The following TPCN1 variants were observed in gnomAD, a reference collection of about 807,000 sequenced individuals.
TPCN1 encodes the protein two pore segment channel 1.
A neutral mutation model predicts 108.8 loss-of-function variants in TPCN1; 52 were observed. The observed-to-expected ratio is 0.48, with a 90% CI of 0.38 to 0.60. TPCN1 has a LOEUF of 0.60. TPCN1 is among the 20% of genes least tolerant of loss of function. The pLI is 0.00. For synonymous variants in TPCN1, 446 were observed against 433.7 expected, an observed-to-expected ratio of 1.03 and a Z score of -0.35; for missense variants, 806 against 1,072.8, an observed-to-expected ratio of 0.75 and a Z score of 3.47.
Position 113,260,481 on chromosome 12 carries a change from A to G in TPCN1, c.226A>G (p.Ile76Val), listed in dbSNP as rs1309465174. 2.5e-6 allele frequency: 4 copies of G among 1,572,712 alleles called. No homozygotes were observed. Among genetic ancestry groups the G allele is most frequent in the Admixed American group, 1.9e-5 (1 of 53,380 alleles). Residue 76 changes from isoleucine to valine, a missense_variant, in exon 3 of 28, where the codon ATC becomes GTC. By Grantham distance (29) the Ile-to-Val change is conservative (BLOSUM62 3). Transcript: ENST00000335509. The part of the protein sequence containing the change: ...NWEMNYQEAA[I>V]YLQEGENNDK... ...GGAGATGAATTACCAAGAGGCAGCA[A>G]TCTACCTCCAGGTGAGTATCTCCAG...
At chr12:113,293,924 G>A (rs527785921) in intron 27 of TPCN1, among the ~76,000 whole-genome samples, 24 of 152,218 alleles carry the variant, frequency 1.6e-4, no homozygotes, top group Non-Finnish European at 2.8e-4. Flanking sequence ...TGCAACCTCC[G>A]CCTCCTGGGT....
intron 13 of TPCN1, 50 bp downstream of exon 13, chr12:113,278,287 G>A (rs758253479): frequency 1.8e-5 from 28 of 1,551,906 alleles, no homozygotes; most frequent in South Asian, 1.2e-4. Flanking sequence ...AGGTCCCCAC[G>A]TGGGGCAGTG....
At chr12:113,278,158 AT>A in intron 12 of TPCN1, 30 bp from the exon 13 acceptor site, 1 of 1,603,024 alleles carries the variant, frequency 6.2e-7, no homozygotes, top group South Asian at 1.1e-5. Flanking sequence ...ATGTTCTGAT[AT>A]TTTGTCCCTT....
At chr12:113,244,397 G>A in intron 2 of TPCN1, 1 of 985,440 alleles carries the variant, frequency 1.0e-6, no homozygotes, top group East Asian at 1.1e-4. Flanking sequence ...CTTGGGTTTG[G>A]AGCCTTTACT....
At position 113,273,135 on chromosome 12, in the gene TPCN1, T is replaced by G; in HGVS notation, c.784-97T>G. 1 of 1,097,872 alleles carries G rather than the reference T, an allele frequency of 9.1e-7. No individual in the cohort carries two copies. The highest frequency in any genetic ancestry group is 1.4e-6 in the Non-Finnish European group (1 of 711,536). The allele number at this position is 1,097,872 out of a possible 1,614,324, so 68.0% of individuals were successfully genotyped here. ...GATTCCTTGAGAGATGCAAGAGCGG[T>G]CAAGGCAGGGCATGCCAGGTGGCCC... On this transcript the variant is annotated intron_variant, in intron 8 of 27. Transcript: ENST00000335509. This position sits in a 1 kb window ranked among gnomAD's most constrained non-coding sequence, Gnocchi z 4.0.
intron 10 of TPCN1, 48 bp from the exon 11 acceptor site, chr12:113,276,871 C>CT (rs1955690882): frequency 1.5e-6 from 2 of 1,374,158 alleles, no homozygotes; most frequent in Non-Finnish European, 2.1e-6. Flanking sequence ...ACTCCCTGCC[C>CT]TAACCACTCA....
rs1955568628 is a variant in TPCN1, at chr12:113,273,381, C to G, written c.842+91C>G. ...GCCAAGTATATTCCACATCCCAGCA[C>G]AGGCAGGTGCTGTGGTGCTATTGGG... is the stretch of plus-strand genomic sequence containing the variant. On this transcript the variant is annotated intron_variant, in intron 9 of 27. Transcript: ENST00000335509. This position sits in a 1 kb window ranked among gnomAD's most constrained non-coding sequence, Gnocchi z 4.0. 2 of 1,443,200 alleles carry G rather than the reference C, an allele frequency of 1.4e-6. No homozygotes were observed. Among genetic ancestry groups the G allele is most frequent in the African/African-American group, 1.4e-5 (1 of 71,368 alleles). The allele number at this position is 1,443,200 out of a possible 1,614,324, so 89.4% of individuals were successfully genotyped here.
At position 113,288,205 on chromosome 12, in the gene TPCN1, C is replaced by G. The variant is rs1019065627; in HGVS notation, c.1677C>G (p.Thr559=). 1.9e-6 allele frequency: 3 copies of G among 1,613,850 alleles called. No homozygotes were observed. In the African/African-American group the frequency reaches 4.0e-5, roughly 22 times the overall value. Residue 559 remains threonine, a synonymous_variant, in exon 20 of 28, where the codon ACC becomes ACG. Transcript: ENST00000335509. The surrounding 1 kb of genome is among the most constrained non-coding windows in gnomAD (Gnocchi z 4.8). ...AGCGCTACCGCAACGTGCTGGACAC[C>G]ATGTTCGAGCTGCTGCCCCGGATGG... is the stretch of plus-strand genomic sequence containing the variant. The part of the protein sequence containing the change: ...LKERYRNVLD[T]MFELLPRMAS...
chr12:113,251,586 G>A (rs1004919872), intron 2 of TPCN1, among the ~76,000 whole-genome samples: 1 of 152,236 alleles, frequency 6.6e-6, no homozygotes, highest in Non-Finnish European at 1.5e-5. Flanking sequence ...CTGTCCCGTG[G>A]GGGGGCTCCA....
intron 18 of TPCN1, among the ~76,000 whole-genome samples, chr12:113,286,394 A>G (rs537681614): frequency 2.6e-4 from 34 of 128,776 alleles, no homozygotes; most frequent in African/African-American, 9.2e-4. Flanking sequence ...CGGCCTGTGA[A>G]GTCAGGCTGC....
At chr12:113,245,825 C>A in intron 2 of TPCN1, 1 of 390,006 alleles carries the variant, frequency 2.6e-6, no homozygotes. Context: ...GGAAGCCTTC[C>A]CCTCCTGCCT....
rs776922615 is a variant in TPCN1 at position 113,239,853 on chromosome 12, G to A, written c.112+12889G>A. 2.6e-4 allele frequency among the ~76,000 whole-genome samples: 40 copies of A among 152,138 alleles called. 1 individual carries two copies. The highest frequency in any genetic ancestry group is 4.4e-4 in the Non-Finnish European group (30 of 68,024). ...TTTATCTCTCTTTTTGTTAGATTGG[G>A]ATTTTATTATTTTTTTTTCCTAATT... On this transcript the variant is annotated intron_variant, in intron 2 of 27. Coordinates refer to ENST00000335509, the MANE Select transcript of TPCN1 (RefSeq NM_017901.6).
chr12:113,257,019 G>A (rs1954851513), intron 2 of TPCN1, among the ~76,000 whole-genome samples: 1 of 151,992 alleles, frequency 6.6e-6, no homozygotes, highest in African/African-American at 2.4e-5. Flanking sequence ...TATCCAGAGT[G>A]TATAAAAGAG....
At chr12:113,274,750 A>G (rs1210393635) in intron 10 of TPCN1, among the ~76,000 whole-genome samples, 2 of 152,248 alleles carry the variant, frequency 1.3e-5, no homozygotes, top group Non-Finnish European at 2.9e-5. Context: ...CTCCATGTGC[A>G]GATGAAGAGA....
chr12:113,266,381 G>A lies in TPCN1; in HGVS notation c.414+25G>A, dbSNP rs775384347. On this transcript the variant is annotated intron_variant, in intron 4 of 27. Coordinates refer to ENST00000335509, the MANE Select transcript of TPCN1 (RefSeq NM_017901.6). This position sits in a 1 kb window ranked among gnomAD's most constrained non-coding sequence, Gnocchi z 4.2. ...TGTGAGCGCACATGCTCCTCATACG[G>A]GGGGCTGGGAGCCACGGCTTTCAGG... 4 of 1,598,786 alleles carry A rather than the reference G, an allele frequency of 2.5e-6. No homozygotes were observed. Among genetic ancestry groups the A allele is most frequent in the African/African-American group, 2.7e-5 (2 of 74,830 alleles).
chr12:113,268,065 T>G lies in TPCN1; in HGVS notation c.528+109T>G. The G allele has an allele frequency of 1.2e-6, 1 of 819,430 alleles. No individual in the cohort carries two copies. Among genetic ancestry groups the G allele is most frequent in the East Asian group, 2.7e-5 (1 of 37,522 alleles). The allele number at this position is 819,430 out of a possible 1,614,324, so 50.8% of individuals were successfully genotyped here. ...AATCCACCATGGGCCCAGTCCATGC[T>G]CAGAGGTGTAACCCTAGGGTCCCTG... is the stretch of plus-strand genomic sequence containing the variant. On this transcript the variant is annotated intron_variant, in intron 5 of 27. Transcript: ENST00000335509. This position sits in a 1 kb window ranked among gnomAD's most constrained non-coding sequence, Gnocchi z 7.3.
intron 2 of TPCN1, 71 bp from the exon 3 acceptor site, chr12:113,260,295 TTC>T: frequency 1.4e-6 from 2 of 1,435,870 alleles, no homozygotes; most frequent in Non-Finnish European, 1.8e-6. Context: ...TGCCAGGCTT[TTC>T]TTCTGCCAAA....
chr12:113,253,878 A>G (rs1314215183), intron 2 of TPCN1, among the ~76,000 whole-genome samples: 1 of 152,226 alleles, frequency 6.6e-6, no homozygotes, highest in Admixed American at 6.5e-5. Context: ...GCCGCAGGAT[A>G]GGTTTTGGCA....
rs1210203177 is a variant in TPCN1 at position 113,226,825 on chromosome 12, T to C, written c.-28T>C. On this transcript the variant is annotated 5_prime_UTR_variant, in exon 2 of 28. Transcript: ENST00000335509. ...AGACTATTTCAAGCCCTGGATATCATATCCTGAGGGCCACAGGAGAAGAGA... is the reference window on the plus strand; with the variant it reads ...AGACTATTTCAAGCCCTGGATATCACATCCTGAGGGCCACAGGAGAAGAGA... 5 of 1,614,028 alleles carry C rather than the reference T, an allele frequency of 3.1e-6. No individual in the cohort carries two copies. Among genetic ancestry groups the C allele is most frequent in the Admixed American group, 3.3e-5 (2 of 60,000 alleles).
Sources: allele counts gnomAD v4.1 joint callset (sites outside exome capture counted in the v4.1 genomes callset), GRCh38; gene constraint gnomAD v4.1.1; non-coding constraint Gnocchi (gnomAD v3.1); transcripts MANE v1.5; gene names NCBI Gene and HGNC (gene_info 2026-07-23, HGNC 2026-07-21).